The following LYRM4 variants were observed in gnomAD, a reference collection of about 807,000 sequenced individuals.
LYRM4 encodes LYR motif containing 4, also known as LYR motif-containing protein 4.
LYRM4 carries 9 observed loss-of-function variants against 11.7 expected under a neutral mutation model. The observed-to-expected ratio is 0.77, with a 90% CI of 0.46 to 1.34. The LOEUF (loss-of-function observed/expected upper bound fraction) is 1.34, where lower values mean the gene tolerates loss of function less well. LYRM4 is among the 40% of genes most tolerant of loss of function. The probability of loss-of-function intolerance (pLI) is 0.00; values close to 1 mark genes in which losing one functional copy is unlikely to be tolerated. For missense variants in LYRM4, 133 were observed against 112.5 expected, an observed-to-expected ratio of 1.18 and a Z score of -0.82; for synonymous variants, 42 against 40.4, an observed-to-expected ratio of 1.04 and a Z score of -0.15.
chr6:5,109,996 T>A (rs12202160), intron 2 of LYRM4, among the ~76,000 whole-genome samples: 1 of 152,156 alleles, frequency 6.6e-6, no homozygotes, highest in Non-Finnish European at 1.5e-5. Context: ...TCTGAGTGCC[T>A]GCACCTCCTG....
the LYRM4 span, among the ~76,000 whole-genome samples, chr6:5,053,042 A>T: frequency 6.6e-6 from 1 of 152,254 alleles, no homozygotes; most frequent in African/African-American, 2.4e-5. Context: ...TATAATAGAA[A>T]GAAAGGCAAG....
In LYRM4 at chr6:5,245,201, A is replaced by G. The variant is rs1299269415; in HGVS notation, c.86+15447T>C. Among the ~76,000 whole-genome samples, 3 of 134,068 alleles carry G rather than the reference A, an allele frequency of 2.2e-5. No homozygotes were observed. In the Admixed American group the frequency reaches 2.3e-4, roughly 10 times the overall value. 88.0% of individuals were successfully genotyped at this position (134,068 alleles called of 152,430 possible). A position where few individuals can be genotyped will look rare whatever the true frequency, so the allele number is the denominator to read the frequency against. ...TTTCTGGAACAAAAAAGATCAATAT[A>G]AATTTGGTTTGGGAAAACAGCACCT... On this transcript the variant is annotated intron_variant, in intron 1 of 2. Coordinates refer to ENST00000330636, the MANE Select transcript of LYRM4 (RefSeq NM_020408.6).
At chr6:5,154,667 G>A (rs1323630171) in intron 2 of LYRM4, among the ~76,000 whole-genome samples, 2 of 151,992 alleles carry the variant, frequency 1.3e-5, no homozygotes, top group Non-Finnish European at 2.9e-5. Flanking sequence ...ACACACAAAA[G>A]AATTAGCCGG....
the LYRM4 span, among the ~76,000 whole-genome samples, chr6:5,053,884 A>C: frequency 6.6e-6 from 1 of 152,168 alleles, no homozygotes; most frequent in African/African-American, 2.4e-5. Context: ...CAGTAAAAAA[A>C]GCTAGAACTC....
chr6:5,161,981 A>G (rs998073738), intron 2 of LYRM4, among the ~76,000 whole-genome samples: 16 of 152,082 alleles, frequency 1.1e-4, no homozygotes, highest in African/African-American at 3.9e-4. Context: ...CACTCTTACC[A>G]CTTTCTGTTA....
chr6:5,115,044 C>T (rs1254127066), intron 2 of LYRM4, among the ~76,000 whole-genome samples: 1 of 152,092 alleles, frequency 6.6e-6, no homozygotes, highest in Admixed American at 6.5e-5. Flanking sequence ...ATTAACTGTT[C>T]TTTTAAGGAA....
the LYRM4 span, chr6:5,086,299 C>T: frequency 6.5e-7 from 1 of 1,535,656 alleles, no homozygotes. Context: ...GCCCGAGCCG[C>T]TGGAGCCACA....
At chr6:5,069,588 C>G in the LYRM4 span, among the ~76,000 whole-genome samples, 1 of 152,020 alleles carries the variant, frequency 6.6e-6, no homozygotes, top group African/African-American at 2.4e-5. Flanking sequence ...TCAAGCAATT[C>G]TCCTGCCTCA....
the LYRM4 span, among the ~76,000 whole-genome samples, chr6:5,044,535 A>C: frequency 0.75 from 113,798 of 152,170 alleles, 43,588 homozygotes; most frequent in East Asian, 0.95. Flanking sequence ...CTTCCAGATC[A>C]CCATGTGCAG....
At chr6:5,201,482 T>A (rs1253424381) in intron 2 of LYRM4, among the ~76,000 whole-genome samples, 1 of 152,238 alleles carries the variant, frequency 6.6e-6, no homozygotes, top group Non-Finnish European at 1.5e-5. Context: ...GTGAATCAGT[T>A]CACCGAGCTG....
intron 1 of LYRM4, among the ~76,000 whole-genome samples, chr6:5,245,559 C>T (rs1185411417): frequency 2.0e-5 from 3 of 152,084 alleles, no homozygotes; most frequent in African/African-American, 7.2e-5. Context: ...AGAGGGGCTG[C>T]CATAAACATA....
At chr6:5,226,869 T>C (rs1285865355) in intron 1 of LYRM4, among the ~76,000 whole-genome samples, 6 of 152,200 alleles carry the variant, frequency 3.9e-5, no homozygotes, top group African/African-American at 1.4e-4. Context: ...AAAGTTCCTA[T>C]TGATATAATA....
At chr6:5,130,377 CCT>C (rs1457140249) in intron 2 of LYRM4, among the ~76,000 whole-genome samples, 2 of 152,204 alleles carry the variant, frequency 1.3e-5, no homozygotes, top group Non-Finnish European at 2.9e-5. Context: ...GCTGTTGCTC[CCT>C]GTTCGTCAGG....
chr6:5,154,961 GC>G (rs1433747612), intron 2 of LYRM4, among the ~76,000 whole-genome samples: 1 of 152,216 alleles, frequency 6.6e-6, no homozygotes, highest in East Asian at 1.9e-4. Flanking sequence ...AATAAACAAT[GC>G]CGTTCTAACA....
At chr6:5,227,460 T>C (rs1248980432) in intron 1 of LYRM4, among the ~76,000 whole-genome samples, 1 of 152,190 alleles carries the variant, frequency 6.6e-6, no homozygotes, top group Non-Finnish European at 1.5e-5. Flanking sequence ...AGGATGTCAG[T>C]GATTTTTGCA....
At position 5,125,567 on chromosome 6, in the gene LYRM4, G is replaced by A. The variant is rs537229287; in HGVS notation, c.208-16076C>T. Among the ~76,000 whole-genome samples, 14 of 152,332 alleles carry A rather than the reference G, an allele frequency of 9.2e-5. No homozygotes were observed. The South Asian group carries it at 2.9e-3, about 32-fold the overall frequency. ...GGTCTCAGGGCAAGCCCTGGCAGAA[G>A]AGGAACAAGAATCCCAGAGTGGTCA... is the stretch of plus-strand genomic sequence containing the variant. On this transcript the variant is annotated intron_variant, in intron 2 of 2. Transcript: ENST00000330636.
intron 2 of LYRM4, among the ~76,000 whole-genome samples, chr6:5,134,950 C>T (rs73717674): frequency 0.26 from 27,935 of 107,694 alleles, 5,030 homozygotes; most frequent in African/African-American, 0.4. Context: ...GGATCACTCC[C>T]GGGACTGTGG....
At chr6:5,183,522 T>C (rs1760201916) in intron 2 of LYRM4, among the ~76,000 whole-genome samples, 1 of 152,204 alleles carries the variant, frequency 6.6e-6, no homozygotes, top group Non-Finnish European at 1.5e-5. Flanking sequence ...ACCAATGCAA[T>C]AAAGTTGGTA....
chr6:5,095,631 G>A, the LYRM4 span, among the ~76,000 whole-genome samples: 1 of 152,186 alleles, frequency 6.6e-6, no homozygotes, highest in Admixed American at 6.5e-5. Context: ...CTTAAAATAT[G>A]TAAGGAGACA....
Sources: allele counts gnomAD v4.1 joint callset (sites outside exome capture counted in the v4.1 genomes callset), GRCh38; gene constraint gnomAD v4.1.1; transcripts MANE v1.5; gene names NCBI Gene and HGNC (gene_info 2026-07-23, HGNC 2026-07-21).